The following SNAI3 variants were observed in gnomAD, a reference collection of about 807,000 sequenced individuals.
The protein encoded by SNAI3 is zinc finger protein SNAI3.
A neutral mutation model predicts 16.4 loss-of-function variants in SNAI3; 21 were observed. That is an observed-to-expected ratio of 1.28 (90% CI 0.91 to 1.85). The LOEUF (loss-of-function observed/expected upper bound fraction) is 1.85, where lower values mean the gene tolerates loss of function less well. Ranked by LOEUF, SNAI3 falls within the 40% of genes most tolerant of loss-of-function variation. SNAI3 has a pLI of 0.00. For synonymous variants in SNAI3, 202 were observed against 166.6 expected, an observed-to-expected ratio of 1.21 and a Z score of -1.64; for missense variants, 457 against 372.8, an observed-to-expected ratio of 1.23 and a Z score of -1.86.
In SNAI3 at chr16:88,681,444, G is replaced by A. The variant is rs746301482; in HGVS notation, c.347C>T (p.Pro116Leu). 1.9e-6 allele frequency: 3 copies of A among 1,604,624 alleles called. No individual in the cohort carries two copies. Among genetic ancestry groups the A allele is most frequent in the Non-Finnish European group, 2.6e-6 (3 of 1,173,342 alleles). Reference protein sequence around the residue: ...KDSLNHLNLPPLLVLPTRWSP... With the variant: ...KDSLNHLNLPLLLVLPTRWSP... The stretch of plus-strand genomic sequence containing the variant: ...CCACCGTGTGGGCAGCACCAGCAGT[G>A]GGGGCAGGTTGAGGTGGTTCAGGCT... Residue 116 changes from proline (P) to leucine (L), a missense_variant, in exon 2 of 3, where the codon CCA becomes CTA. Transcript: ENST00000332281. This position sits in a 1 kb window ranked among gnomAD's most constrained non-coding sequence, Gnocchi z 5.4.
Position 88,681,933 on chromosome 16 carries a change from G to A in SNAI3, c.77-219C>T, listed in dbSNP as rs755437122. Reference sequence around the variant, plus strand: ...GGAGTGGAGTCATCTAGAACAAGAAGGCCCCGCGGTCTAGAGAGCGAATCT... The same window carrying A: ...GGAGTGGAGTCATCTAGAACAAGAAAGCCCCGCGGTCTAGAGAGCGAATCT... On this transcript the variant is annotated intron_variant, in intron 1 of 2. Coordinates refer to ENST00000332281, the MANE Select transcript of SNAI3 (RefSeq NM_178310.4). This position sits in a 1 kb window ranked among gnomAD's most constrained non-coding sequence, Gnocchi z 5.4. Among the ~76,000 whole-genome samples the A allele has an allele frequency of 7.2e-5, 11 of 152,132 alleles. No individual in the cohort carries two copies. The highest frequency in any genetic ancestry group is 1.6e-4 in the Non-Finnish European group (11 of 68,026).
At chr16:88,684,020 G>A (rs1468376129) in intron 1 of SNAI3, among the ~76,000 whole-genome samples, 1 of 152,234 alleles carries the variant, frequency 6.6e-6, no homozygotes, top group Admixed American at 6.5e-5. Context: ...GTGCTGTGAG[G>A]ATGAGGAGGA....
rs1909182016 is a variant in SNAI3 at position 88,681,744 on chromosome 16, G to C, written c.77-30C>G. 1.2e-5 allele frequency: 17 copies of C among 1,405,668 alleles called. No individual in the cohort carries two copies. The highest frequency in any genetic ancestry group is 1.6e-5 in the Non-Finnish European group (17 of 1,075,766). The allele number at this position is 1,405,668 out of a possible 1,614,324, so 87.1% of individuals were successfully genotyped here. A position where few individuals can be genotyped will look rare whatever the true frequency, so the allele number is the denominator to read the frequency against. ...AGGGGTGGAGGGGAGAGAATAGAAAGATGAAGACTGAATCCCCAGCACTTT... is the reference window on the plus strand; with the variant it reads ...AGGGGTGGAGGGGAGAGAATAGAAACATGAAGACTGAATCCCCAGCACTTT... On this transcript the variant is annotated intron_variant, in intron 1 of 2. Transcript: ENST00000332281. This position sits in a 1 kb window ranked among gnomAD's most constrained non-coding sequence, Gnocchi z 5.4.
At chr16:88,682,749 A>T (rs1909216594) in intron 1 of SNAI3, among the ~76,000 whole-genome samples, 1 of 140,168 alleles carries the variant, frequency 7.1e-6, no homozygotes, top group Admixed American at 7.3e-5. Flanking sequence ...TACAATTTTA[A>T]TATGGGCAAG....
chr16:88,680,659 C>T (rs1389170362), intron 2 of SNAI3, among the ~76,000 whole-genome samples: 1 of 152,088 alleles, frequency 6.6e-6, no homozygotes, highest in Non-Finnish European at 1.5e-5. Context: ...AGTGCAGTGG[C>T]ATGACCACAG....
intron 2 of SNAI3, among the ~76,000 whole-genome samples, chr16:88,679,774 A>AG (rs1447112114): frequency 1.8e-4 from 25 of 142,436 alleles, no homozygotes; most frequent in East Asian, 8.1e-4. Flanking sequence ...AAAAAAAAAA[A>AG]AAAAAAAAGA....
At chr16:88,686,299 C>T (rs772829489) in intron 1 of SNAI3, 32 bp downstream of exon 1, 2 of 1,606,670 alleles carry the variant, frequency 1.2e-6, no homozygotes, top group Admixed American at 1.7e-5. Flanking sequence ...GGTCGAGTCC[C>T]GGCAGGGGCT....
Position 88,678,248 on chromosome 16 carries a change from G to A in SNAI3, c.*200C>T. 1 of 561,770 alleles carries A rather than the reference G, an allele frequency of 1.8e-6. No homozygotes were observed. The highest frequency in any genetic ancestry group is 3.2e-6 in the Non-Finnish European group (1 of 315,896). The allele number at this position is 561,770 out of a possible 1,614,324, so 34.8% of individuals were successfully genotyped here. A position where few individuals can be genotyped will look rare whatever the true frequency, so the allele number is the denominator to read the frequency against. On this transcript the variant is annotated 3_prime_UTR_variant, in exon 3 of 3. Coordinates refer to ENST00000332281, the MANE Select transcript of SNAI3 (RefSeq NM_178310.4). ...GTCTCCTCTGAGTGGGCTCCGCGCG[G>A]TGGGATGCCTGGGGGAGTGTCCTCC...
chr16:88,678,177 T>C lies in SNAI3; in HGVS notation c.*271A>G, dbSNP rs901587807. 2.0e-5 allele frequency: 8 copies of C among 391,422 alleles called. No individual in the cohort carries two copies. Among genetic ancestry groups the C allele is most frequent in the Non-Finnish European group, 3.7e-5 (8 of 216,784 alleles). The allele number at this position is 391,422 out of a possible 1,614,324, so 24.2% of individuals were successfully genotyped here. ...CCCCGGAGACCTGGCCGTGTCGAAA[T>C]GGAACCATGGCTCTTGTTCTGATGA... On this transcript the variant is annotated 3_prime_UTR_variant, in exon 3 of 3. Transcript: ENST00000332281.
Position 88,678,594 on chromosome 16 carries a change from C to G in SNAI3, c.733G>C (p.Ala245Pro). 1 of 1,057,688 alleles carries G rather than the reference C, an allele frequency of 9.5e-7. No homozygotes were observed. The highest frequency in any genetic ancestry group is 1.2e-5 in the South Asian group (1 of 80,322). The allele number at this position is 1,057,688 out of a possible 1,614,324, so 65.5% of individuals were successfully genotyped here. Reference sequence around the variant, plus strand: ...CGAAGGTTGGAGCGGTCGGCAAAGGCCCTGCTGCAGTGCGAGCAGGCATAG... The same window carrying G: ...CGAAGGTTGGAGCGGTCGGCAAAGGGCCTGCTGCAGTGCGAGCAGGCATAG... ...KPYACSHCSR[A>P]FADRSNLRAH... Residue 245 changes from alanine to proline, a missense_variant, in exon 3 of 3, where the codon GCC becomes CCC. Ala to Pro is a conservative substitution (Grantham distance 27, BLOSUM62 -1). Coordinates refer to ENST00000332281, the MANE Select transcript of SNAI3 (RefSeq NM_178310.4).
intron 1 of SNAI3, chr16:88,685,551 C>T (rs1909329913): frequency 6.6e-6 from 1 of 152,314 alleles, no homozygotes; most frequent in Non-Finnish European, 1.5e-5. Context: ...GGACTGCTCT[C>T]ACCGCCCGTG....
Position 88,686,454 on chromosome 16 carries a change from G to A in SNAI3, c.-48C>T. ...CGGGGTGGGCTGGGGCGGGAGGGGC[G>A]CGCCTGGGTCCGGACTGCTGCGTCC... On this transcript the variant is annotated 5_prime_UTR_variant, in exon 1 of 3. Transcript: ENST00000332281. 1 of 1,591,752 alleles carries A rather than the reference G, an allele frequency of 6.3e-7. No individual in the cohort carries two copies. Among genetic ancestry groups the A allele is most frequent in the South Asian group, 1.1e-5 (1 of 89,798 alleles).
intron 2 of SNAI3, among the ~76,000 whole-genome samples, chr16:88,679,358 C>T (rs1909081836): frequency 6.6e-6 from 1 of 152,192 alleles, no homozygotes; most frequent in Non-Finnish European, 1.5e-5. Context: ...AAAGGATTTC[C>T]CAGAGACCTG....
intron 2 of SNAI3, among the ~76,000 whole-genome samples, chr16:88,680,476 G>C (rs974371143): frequency 1.3e-5 from 2 of 151,702 alleles, no homozygotes; most frequent in African/African-American, 4.9e-5. Flanking sequence ...AGCAGAGACA[G>C]AGTTTCATAT....
At position 88,678,350 on chromosome 16, in the gene SNAI3, G is replaced by A; in HGVS notation, c.*98C>T. ...GAGGACGCACCAAGTGTGAGGCCAG[G>A]CCCCGCCCTCCCAGACTCCTGGCTC... On this transcript the variant is annotated 3_prime_UTR_variant, in exon 3 of 3. Transcript: ENST00000332281. 1 of 617,360 alleles carries A rather than the reference G, an allele frequency of 1.6e-6. No homozygotes were observed. The highest frequency in any genetic ancestry group is 2.6e-5 in the Admixed American group (1 of 38,324). The allele number at this position is 617,360 out of a possible 1,614,324, so 38.2% of individuals were successfully genotyped here.
intron 1 of SNAI3, among the ~76,000 whole-genome samples, chr16:88,683,481 C>A (rs1909251546): frequency 6.6e-6 from 1 of 151,262 alleles, no homozygotes; most frequent in Non-Finnish European, 1.5e-5. Context: ...GTCTCGAACT[C>A]TTGACCTTGT....
chr16:88,681,132 C>A lies in SNAI3; in HGVS notation c.659G>T (p.Arg220Met). 2 of 1,613,676 alleles carry A rather than the reference C, an allele frequency of 1.2e-6. No individual in the cohort carries two copies. The highest frequency in any genetic ancestry group is 1.7e-6 in the Non-Finnish European group (2 of 1,179,988). Residue 220 changes from arginine (R) to methionine (M), a missense_variant, in exon 2 of 3, where the codon AGG becomes ATG. Arg to Met is a moderately conservative substitution (Grantham distance 91). Coordinates refer to ENST00000332281, the MANE Select transcript of SNAI3 (RefSeq NM_178310.4). The surrounding 1 kb of genome is among the most constrained non-coding windows in gnomAD (Gnocchi z 5.4). Reference protein sequence around the residue: ...TCKICGKAFSRPWLLQGHVRT... With the variant: ...TCKICGKAFSMPWLLQGHVRT... Reference sequence around the variant, plus strand: ...GACATGGCCCTGCAGTAACCAGGGCCTGGAGAAGGCCTTGCCACAGATCTT... The same window carrying A: ...GACATGGCCCTGCAGTAACCAGGGCATGGAGAAGGCCTTGCCACAGATCTT...
intron 1 of SNAI3, chr16:88,686,047 G>T (rs1177392838): frequency 5.0e-6 from 2 of 397,706 alleles, no homozygotes. Flanking sequence ...TATATCAGGG[G>T]TGAGTTCCAG....
At chr16:88,686,118 G>T (rs1909350018) in intron 1 of SNAI3, 1 of 572,772 alleles carries the variant, frequency 1.7e-6, no homozygotes, top group African/African-American at 1.9e-5. Context: ...AATCCCGCCC[G>T]CCCTGCCGGA....
Sources: gnomAD v4.1 joint callset for allele counts (sites outside exome capture counted in the v4.1 genomes callset) on GRCh38, gnomAD v4.1.1 for gene constraint, Gnocchi (gnomAD v3.1) non-coding constraint, MANE v1.5 for transcripts, NCBI Gene and HGNC (gene_info 2026-07-23, HGNC 2026-07-21) for gene names.